RFX3: variants seen among roughly 807,000 people sequenced by gnomAD.
RFX3 encodes the protein regulatory factor X3.
In RFX3, 14 loss-of-function variants were observed where a neutral mutation model predicts 98.6. That is an observed-to-expected ratio of 0.14 (90% CI 0.09 to 0.22). The LOEUF (loss-of-function observed/expected upper bound fraction) is 0.22. Ranked by LOEUF, RFX3 falls within the 10% of genes least tolerant of loss-of-function variation. The pLI is 1.00. For synonymous variants in RFX3, 383 were observed against 328.4 expected, an observed-to-expected ratio of 1.17 and a Z score of -1.80; for missense variants, 639 against 926.9, an observed-to-expected ratio of 0.69 and a Z score of 4.03.
chr9:3,421,031 A>C lies in RFX3; in HGVS notation c.-8-25435T>G, dbSNP rs1843397007. 1.0e-5 allele frequency: 6 copies of C among 571,922 alleles called. No homozygotes were observed. The South Asian group carries it at 4.6e-4, about 44-fold the overall frequency. The allele number at this position is 571,922 out of a possible 1,614,324, so 35.4% of individuals were successfully genotyped here. On this transcript the variant is annotated intron_variant, in intron 1 of 16. Coordinates refer to ENST00000617270, the MANE Select transcript of RFX3 (RefSeq NM_001282116.2). ...TTCTACTATGTGCCAAAAAAAAAAA[A>C]AAAAACAAGAAGGCAACAAATAATC...
rs1425562660 is a variant in RFX3, at chr9:3,323,926, T to C, written c.474+6333A>G. ...GAGCAGTGTGGAACTGACTGACAGC[T>C]GAATGGAATACAGATGAAGTGATGG... is the stretch of plus-strand genomic sequence containing the variant. On this transcript the variant is annotated intron_variant, in intron 4 of 16. Coordinates refer to ENST00000617270, the MANE Select transcript of RFX3 (RefSeq NM_001282116.2). 5.3e-5 allele frequency: 17 copies of C among 322,660 alleles called. No individual in the cohort carries two copies. The East Asian group carries it at 1.4e-3, about 26-fold the overall frequency. 20.0% of individuals were successfully genotyped at this position (322,660 alleles called of 1,614,324 possible).
chr9:3,447,643 G>A (rs1157517462), intron 1 of RFX3, among the ~76,000 whole-genome samples: 1 of 152,114 alleles, frequency 6.6e-6, no homozygotes, highest in African/African-American at 2.4e-5. Context: ...ATCTTTCAAG[G>A]AAAACATTTC....
intron 1 of RFX3, among the ~76,000 whole-genome samples, chr9:3,451,869 G>A (rs1205540065): frequency 2.0e-5 from 3 of 150,318 alleles, no homozygotes; most frequent in Non-Finnish European, 4.4e-5. Context: ...ACTGACTTTG[G>A]CTTTCTGAAG....
intron 1 of RFX3, among the ~76,000 whole-genome samples, chr9:3,440,847 G>A (rs1370717974): frequency 1.3e-5 from 2 of 152,140 alleles, no homozygotes; most frequent in Non-Finnish European, 2.9e-5. Context: ...CTGTAAGTGT[G>A]CAATAACTAA....
chr9:3,445,098 T>G (rs1164907603), intron 1 of RFX3, among the ~76,000 whole-genome samples: 1 of 152,198 alleles, frequency 6.6e-6, no homozygotes. Context: ...TTTAAAGTAT[T>G]TGGGAGCCTG....
chr9:3,451,250 A>G (rs1462459168), intron 1 of RFX3, among the ~76,000 whole-genome samples: 1 of 152,342 alleles, frequency 6.6e-6, no homozygotes, highest in Admixed American at 6.5e-5. Context: ...ATATTTATAT[A>G]TGTAAATGAC....
chr9:3,259,363 A>T (rs948714177), intron 13 of RFX3, among the ~76,000 whole-genome samples: 6 of 152,066 alleles, frequency 3.9e-5, no homozygotes, highest in African/African-American at 1.4e-4. Context: ...AAACTACTTT[A>T]TATTATACTT....
chr9:3,424,543 G>C (rs1216548460), intron 1 of RFX3, among the ~76,000 whole-genome samples: 1 of 151,248 alleles, frequency 6.6e-6, no homozygotes, highest in African/African-American at 2.4e-5. Flanking sequence ...TGTATTTTTA[G>C]TAGAGACGGG....
intron 9 of RFX3, among the ~76,000 whole-genome samples, chr9:3,273,345 T>G (rs779507966): frequency 5.3e-5 from 8 of 152,180 alleles, no homozygotes; most frequent in Non-Finnish European, 1.2e-4. Flanking sequence ...TGGGGATCAT[T>G]CTGTGGACTG....
At chr9:3,416,522 G>T (rs972004510) in intron 1 of RFX3, among the ~76,000 whole-genome samples, 4 of 152,070 alleles carry the variant, frequency 2.6e-5, no homozygotes, top group African/African-American at 9.7e-5. Context: ...CAATAGAAGG[G>T]CATCTGAAGT....
chr9:3,441,036 T>C (rs777492003), intron 1 of RFX3, among the ~76,000 whole-genome samples: 1 of 152,198 alleles, frequency 6.6e-6, no homozygotes. Flanking sequence ...TTTTCAAAAA[T>C]GAACTTTGGT....
chr9:3,373,283 C>T (rs927401457), intron 2 of RFX3, among the ~76,000 whole-genome samples: 2 of 152,142 alleles, frequency 1.3e-5, no homozygotes, highest in African/African-American at 4.8e-5. Context: ...CCAAAATCAA[C>T]GGAAGTCCAT....
At chr9:3,449,069 G>A (rs2132824458) in intron 1 of RFX3, among the ~76,000 whole-genome samples, 1 of 152,214 alleles carries the variant, frequency 6.6e-6, no homozygotes, top group African/African-American at 2.4e-5. Flanking sequence ...CTTGCAGCAT[G>A]TTTTCAACCC....
intron 1 of RFX3, among the ~76,000 whole-genome samples, chr9:3,525,420 G>A (rs1221938415): frequency 6.6e-6 from 1 of 152,172 alleles, no homozygotes; most frequent in Non-Finnish European, 1.5e-5. Flanking sequence ...CATCCGCATC[G>A]GAAAACTGTG....
intron 4 of RFX3, among the ~76,000 whole-genome samples, chr9:3,305,923 T>A (rs144935888): frequency 6.6e-6 from 1 of 152,116 alleles, no homozygotes; most frequent in Non-Finnish European, 1.5e-5. Context: ...ACATCAGCAT[T>A]TGACACCTAA....
chr9:3,405,934 C>G (rs2132092074), intron 1 of RFX3, among the ~76,000 whole-genome samples: 1 of 152,152 alleles, frequency 6.6e-6, no homozygotes, highest in South Asian at 2.1e-4. Flanking sequence ...TTCCCCAAAC[C>G]TGGGGCATTT....
At chr9:3,310,359 T>A (rs540310261) in intron 4 of RFX3, among the ~76,000 whole-genome samples, 2 of 152,318 alleles carry the variant, frequency 1.3e-5, no homozygotes, top group African/African-American at 4.8e-5. Flanking sequence ...TATATGCTAA[T>A]AAGGCAGGAA....
rs1816669471 is a variant in RFX3 at position 3,504,879 on chromosome 9, T to TTATATATAATATAATATATATTATATATA, written c.-9+20867_-9+20868insTATATATAATATATATTATATTATATATA. Among the ~76,000 whole-genome samples, 9 of 53,186 alleles carry TTATATATAATATAATATATATTATATATA rather than the reference T, an allele frequency of 1.7e-4. 1 individual carries two copies. In the East Asian group the frequency reaches 4.4e-3, roughly 26 times the overall value. 34.9% of individuals were successfully genotyped at this position (53,186 alleles called of 152,430 possible). A position where few individuals can be genotyped will look rare whatever the true frequency, so the allele number is the denominator to read the frequency against. On this transcript the variant is annotated intron_variant, in intron 1 of 16. Coordinates refer to ENST00000617270, the MANE Select transcript of RFX3 (RefSeq NM_001282116.2). ...TATGATATAATATATATTATATATA[T>TTATATATAATATAATATATATTATATATA]TATATATAATATAACATATATTATA...
At chr9:3,303,428 T>C (rs1828899267) in intron 4 of RFX3, among the ~76,000 whole-genome samples, 2 of 152,094 alleles carry the variant, frequency 1.3e-5, no homozygotes, top group South Asian at 4.1e-4. Flanking sequence ...TTTGCCATTA[T>C]ACCTATATTT....
Sources: gnomAD v4.1 joint callset for allele counts (sites outside exome capture counted in the v4.1 genomes callset) on GRCh38, gnomAD v4.1.1 for gene constraint, MANE v1.5 for transcripts, NCBI Gene and HGNC (gene_info 2026-07-23, HGNC 2026-07-21) for gene names.